The following ENTREP2 variants were observed in gnomAD, a reference collection of about 807,000 sequenced individuals.
ENTREP2 encodes endosomal transmembrane epsin interactor 2.
At chr15:29,152,739 T>C in the ENTREP2 span, among the ~76,000 whole-genome samples, 2 of 152,236 alleles carry the variant, frequency 1.3e-5, no homozygotes, top group Non-Finnish European at 2.9e-5. Flanking sequence ...ATAAAGCTGT[T>C]GTGAGCCTTT....
the ENTREP2 span, among the ~76,000 whole-genome samples, chr15:29,206,747 C>T: frequency 3.9e-5 from 6 of 152,004 alleles, no homozygotes; most frequent in Non-Finnish European, 8.8e-5. Context: ...GGTAAATATA[C>T]TAAGAAAACA....
At chr15:29,277,439 C>T in the ENTREP2 span, among the ~76,000 whole-genome samples, 8,378 of 152,128 alleles carry the variant, frequency 0.055, 540 homozygotes, top group African/African-American at 0.15. Flanking sequence ...ATTAAAGCAG[C>T]GGTCCCCAAC....
the ENTREP2 span, among the ~76,000 whole-genome samples, chr15:29,634,196 C>T: frequency 1.3e-5 from 2 of 152,048 alleles, no homozygotes. Context: ...CCCTAAGGTT[C>T]GGTGTGCAGG....
chr15:29,640,908 C>A, the ENTREP2 span, among the ~76,000 whole-genome samples: 1 of 152,080 alleles, frequency 6.6e-6, no homozygotes, highest in Non-Finnish European at 1.5e-5. Flanking sequence ...CTTATGAGTA[C>A]AGATGCAAAA....
At chr15:29,636,313 T>G in the ENTREP2 span, among the ~76,000 whole-genome samples, 1 of 152,182 alleles carries the variant, frequency 6.6e-6, no homozygotes, top group Non-Finnish European at 1.5e-5. Context: ...AGTTGAGGTG[T>G]GGGCAAAGTC....
chr15:29,349,172 A>G, the ENTREP2 span, among the ~76,000 whole-genome samples: 1 of 152,200 alleles, frequency 6.6e-6, no homozygotes, highest in Non-Finnish European at 1.5e-5. Context: ...ACCAGCTCCC[A>G]TCAGGAAACA....
chr15:29,353,531 C>T, the ENTREP2 span, among the ~76,000 whole-genome samples: 1 of 152,164 alleles, frequency 6.6e-6, no homozygotes, highest in Non-Finnish European at 1.5e-5. Context: ...TGGAAGTACA[C>T]ATGTATGCAG....
the ENTREP2 span, among the ~76,000 whole-genome samples, chr15:29,135,614 C>G: frequency 2.6e-5 from 4 of 152,144 alleles, no homozygotes; most frequent in East Asian, 7.7e-4. The surrounding 1 kb of genome is among the most constrained non-coding windows in gnomAD (Gnocchi z 7.4). Context: ...GGCTCCATTA[C>G]GGACAACATC....
At chr15:29,202,245 C>G in the ENTREP2 span, among the ~76,000 whole-genome samples, 1 of 151,990 alleles carries the variant, frequency 6.6e-6, no homozygotes, top group Non-Finnish European at 1.5e-5. Context: ...CATTGGTTTT[C>G]TGTTGTCCAT....
At chr15:29,225,502 G>A in the ENTREP2 span, among the ~76,000 whole-genome samples, 2 of 152,132 alleles carry the variant, frequency 1.3e-5, no homozygotes, top group African/African-American at 2.4e-5. Context: ...ACTTTCACCC[G>A]CAGCTTACCA....
the ENTREP2 span, among the ~76,000 whole-genome samples, chr15:29,313,807 C>T: frequency 2.6e-5 from 4 of 152,156 alleles, no homozygotes; most frequent in Non-Finnish European, 4.4e-5. Flanking sequence ...ACATAGTGAT[C>T]CTGTAATAAA....
chr15:29,172,446 C>T, the ENTREP2 span, among the ~76,000 whole-genome samples: 19 of 152,116 alleles, frequency 1.2e-4, no homozygotes, highest in African/African-American at 2.7e-4. Flanking sequence ...AGTAATTGTA[C>T]GGGGCTCCAA....
At chr15:29,624,683 T>C in the ENTREP2 span, among the ~76,000 whole-genome samples, 16 of 152,118 alleles carry the variant, frequency 1.1e-4, no homozygotes, top group Admixed American at 1.0e-3. Flanking sequence ...TTCAAAATAA[T>C]TGGAGACCCA....
chr15:29,335,746 G>A, the ENTREP2 span, among the ~76,000 whole-genome samples: 3 of 152,218 alleles, frequency 2.0e-5, no homozygotes, highest in Non-Finnish European at 4.4e-5. Context: ...GAACCTGAGA[G>A]CTGGCTCTCC....
chr15:29,344,974 C>CT, the ENTREP2 span, among the ~76,000 whole-genome samples: 2 of 141,034 alleles, frequency 1.4e-5, no homozygotes. Flanking sequence ...ACACACACGT[C>CT]TGTGTTTAAT....
At chr15:29,241,833 G>C in the ENTREP2 span, among the ~76,000 whole-genome samples, 2 of 151,628 alleles carry the variant, frequency 1.3e-5, no homozygotes, top group African/African-American at 2.4e-5. Flanking sequence ...AGGAGTTCAA[G>C]ACTAGCCTAT....
chr15:29,458,250 C>T, the ENTREP2 span, among the ~76,000 whole-genome samples: 1 of 152,132 alleles, frequency 6.6e-6, no homozygotes, highest in Admixed American at 6.5e-5. Context: ...ATTTGCCCTT[C>T]CTGTGCCTTT....
chr15:29,469,974 C>A, the ENTREP2 span, among the ~76,000 whole-genome samples: 2 of 152,114 alleles, frequency 1.3e-5, no homozygotes, highest in African/African-American at 4.8e-5. Context: ...GCCCCTGGGT[C>A]ATCAAAAGTA....
chr15:29,233,956 C>A, the ENTREP2 span: 1 of 1,541,336 alleles, frequency 6.5e-7, no homozygotes, highest in Non-Finnish European at 9.0e-7. Context: ...CAGTTTCACT[C>A]ACTTCCAAAT....
Sources: allele counts gnomAD v4.1 joint callset (sites outside exome capture counted in the v4.1 genomes callset), GRCh38; gene constraint gnomAD v4.1.1; non-coding constraint Gnocchi (gnomAD v3.1); transcripts MANE v1.5; gene names NCBI Gene and HGNC (gene_info 2026-07-23, HGNC 2026-07-21).